The following SLIT1 variants were observed in gnomAD, a reference collection of about 807,000 sequenced individuals.
SLIT1 encodes the protein slit homolog 1 protein.
Under a neutral mutation model 186.1 loss-of-function variants are expected in SLIT1, and 66 were observed. The ratio of observed to expected loss-of-function variants is 0.35; its 90% CI spans 0.29 to 0.44. The LOEUF is 0.44. Among genes scored for constraint, SLIT1 ranks in the 20% least tolerant of loss-of-function variants. The pLI is 1.00. For missense variants in SLIT1, 1,638 were observed against 2,037.4 expected, an observed-to-expected ratio of 0.80 and a Z score of 3.77; for synonymous variants, 761 against 833.8, an observed-to-expected ratio of 0.91 and a Z score of 1.50.
chr10:97,003,544 G>A (rs768645294), intron 34 of SLIT1, among the ~76,000 whole-genome samples: 12 of 152,160 alleles, frequency 7.9e-5, no homozygotes, highest in East Asian at 3.9e-4. Context: ...GCCTCAGCAC[G>A]CCTCCCACAG....
At chr10:97,051,845 C>T (rs1848790328) in intron 13 of SLIT1, among the ~76,000 whole-genome samples, 2 of 151,202 alleles carry the variant, frequency 1.3e-5, no homozygotes, top group South Asian at 4.2e-4. Flanking sequence ...AAATGTTGGT[C>T]CACACAAAGA....
intron 1 of SLIT1, among the ~76,000 whole-genome samples, chr10:97,166,409 G>A (rs551189518): frequency 1.3e-5 from 2 of 151,522 alleles, no homozygotes; most frequent in African/African-American, 2.4e-5. Context: ...CCAGCTACTC[G>A]GGAGGCTGAG....
chr10:97,008,272 G>GT (rs1231629500), intron 31 of SLIT1, among the ~76,000 whole-genome samples: 2 of 152,052 alleles, frequency 1.3e-5, no homozygotes, highest in African/African-American at 4.8e-5. Flanking sequence ...AATAAAATAC[G>GT]TAAGAATAAA....
Position 97,145,327 on chromosome 10 carries a change from G to A in SLIT1, c.413+12491C>T, listed in dbSNP as rs193197520. ...GAGACAGGGTTTCGCCCTGTTGGCC[G>A]GGATGGTCTCGAACTCCTGACCTCG... On this transcript the variant is annotated intron_variant, in intron 4 of 36. Coordinates refer to ENST00000266058, the MANE Select transcript of SLIT1 (RefSeq NM_003061.3). 2.6e-3 allele frequency among the ~76,000 whole-genome samples: 394 copies of A among 152,126 alleles called. 12 individuals are homozygous for A. Among genetic ancestry groups the A allele is most frequent in the Admixed American group, 0.023 (346 of 15,268 alleles).
chr10:97,166,623 G>GAAAGAA (rs3979552), intron 1 of SLIT1, among the ~76,000 whole-genome samples: 1 of 42,658 alleles, frequency 2.3e-5, no homozygotes, highest in African/African-American at 9.6e-5. Context: ...AAGAAAGAAA[G>GAAAGAA]AGAAAAGAAA....
At chr10:97,019,928 T>C (rs1163309338) in intron 26 of SLIT1, among the ~76,000 whole-genome samples, 1 of 152,114 alleles carries the variant, frequency 6.6e-6, no homozygotes, top group East Asian at 1.9e-4. Context: ...CATGACGGAC[T>C]TCTGGGGTAG....
chr10:97,154,688 T>G (rs1191060747), intron 4 of SLIT1: 1 of 152,212 alleles, frequency 6.6e-6, no homozygotes, highest in Non-Finnish European at 1.5e-5. Context: ...CTGGGACCAC[T>G]GCAATGAGGA....
intron 28 of SLIT1, among the ~76,000 whole-genome samples, chr10:97,015,661 C>G (rs964481466): frequency 2.0e-5 from 3 of 152,216 alleles, no homozygotes; most frequent in Non-Finnish European, 4.4e-5. Context: ...AAGAGAGATA[C>G]AGTCCAATAA....
rs1850391217 is a variant in SLIT1, at chr10:97,184,981, A to G, written c.197+497T>C. On this transcript the variant is annotated intron_variant, in intron 1 of 36. Coordinates refer to ENST00000266058, the MANE Select transcript of SLIT1 (RefSeq NM_003061.3). The surrounding 1 kb of genome is among the most constrained non-coding windows in gnomAD (Gnocchi z 4.4). ...GGGCAAACAATGGAGAAGAAGGGGC[A>G]GACCAGAAACTTCGCCTCCATCCCA... 6.6e-6 allele frequency among the ~76,000 whole-genome samples: 1 copy of G among 152,270 alleles called. No homozygotes were observed. The highest frequency in any genetic ancestry group is 2.1e-4 in the South Asian group (1 of 4,836).
In SLIT1 at chr10:97,049,118, C is replaced by T. The variant is rs374849034; in HGVS notation, c.1302G>A (p.Leu434=). The change falls in exon 14 of 37, where the codon CTG becomes CTA. Residue 434 remains leucine (L), a splice_region_variant and synonymous_variant. Transcript: ENST00000266058. The part of the protein sequence containing the change: ...TFTSLRAIQT[L]HLAQNPFICD... ...AAATGAAAGGGTTCTGCGCCAGGTG[C>T]CTGTCCAAAGCAGGCAGATCAGCTA... The T allele has an allele frequency of 8.1e-6, 13 of 1,612,094 alleles. No individual in the cohort carries two copies. The highest frequency in any genetic ancestry group is 5.3e-5 in the African/African-American group (4 of 74,934).
intron 4 of SLIT1, among the ~76,000 whole-genome samples, chr10:97,080,538 TTTTAAGGACAGTCAGA>T (rs1400706894): frequency 6.6e-6 from 1 of 152,210 alleles, no homozygotes. Context: ...CACAATAGCC[TTTTAAGGACAGTCAGA>T]TTGCCCCACC....
At chr10:97,153,976 C>A (rs937208703) in intron 4 of SLIT1, 1 of 152,168 alleles carries the variant, frequency 6.6e-6, no homozygotes, top group East Asian at 1.9e-4. Flanking sequence ...CTACAAAACC[C>A]CGCCTCTACC....
At chr10:97,107,917 G>T (rs1849429552) in intron 4 of SLIT1, among the ~76,000 whole-genome samples, 3 of 152,194 alleles carry the variant, frequency 2.0e-5, no homozygotes, top group Non-Finnish European at 4.4e-5. Flanking sequence ...AAACCGAGGG[G>T]TTGCTAACCT....
chr10:97,157,569 G>A (rs1346784524), intron 4 of SLIT1: 1 of 532,338 alleles, frequency 1.9e-6, no homozygotes, highest in Non-Finnish European at 3.3e-6. Context: ...TACCCACACT[G>A]TCAGCGGCAG....
chr10:97,076,181 G>T (rs1849044232), intron 4 of SLIT1, among the ~76,000 whole-genome samples: 1 of 152,072 alleles, frequency 6.6e-6, no homozygotes, highest in Non-Finnish European at 1.5e-5. Context: ...CAGGTGTGGG[G>T]CTCCCTGGTG....
chr10:97,040,019 G>A lies in SLIT1; in HGVS notation c.2266C>T (p.Pro756Ser). 1.2e-6 allele frequency: 2 copies of A among 1,613,694 alleles called. No individual in the cohort carries two copies. Among genetic ancestry groups the A allele is most frequent in the Non-Finnish European group, 1.7e-6 (2 of 1,179,822 alleles). The change falls in exon 21 of 37, where the codon CCC (proline) becomes TCC (serine). Residue 756 changes from proline to serine, a missense_variant. Pro to Ser is a moderately conservative substitution (Grantham distance 74). This residue lies in a region of SLIT1 where 1,245 missense variants were observed against 1,535.3 expected (regional missense o/e 0.81). Transcript: ENST00000266058. ...RCSNKHLRAL[P>S]KGIPKNVTEL... is the part of the protein sequence containing the mutation. ...GTGACATTCTTGGGAATGCCCTTGG[G>A]CAGGGCCCGCAGGTGCTTGTTGCTG...
intron 4 of SLIT1, among the ~76,000 whole-genome samples, chr10:97,079,820 G>C (rs1195753598): frequency 1.3e-5 from 2 of 152,162 alleles, no homozygotes; most frequent in Non-Finnish European, 2.9e-5. Flanking sequence ...ACCGGTTCAG[G>C]TTCTGTGTCT....
chr10:97,114,204 T>G (rs1849490181), intron 4 of SLIT1, among the ~76,000 whole-genome samples: 2 of 152,076 alleles, frequency 1.3e-5, no homozygotes, highest in East Asian at 3.8e-4. Flanking sequence ...ACACTTAGGT[T>G]CAACATGGAG....
chr10:97,039,948 G>A (rs758516995), intron 21 of SLIT1, 40 bp downstream of exon 21: 2 of 1,608,984 alleles, frequency 1.2e-6, no homozygotes, highest in East Asian at 4.5e-5. Flanking sequence ...TCCCCGTCCT[G>A]TGGACCCACG....
Sources: gnomAD v4.1 joint callset for allele counts (sites outside exome capture counted in the v4.1 genomes callset) on GRCh38, gnomAD v4.1.1 for gene constraint, gnomAD v4.1.1 regional missense constraint, Gnocchi (gnomAD v3.1) non-coding constraint, MANE v1.5 for transcripts, NCBI Gene and HGNC (gene_info 2026-07-23, HGNC 2026-07-21) for gene names.